SRP68: variants seen among roughly 807,000 people sequenced by gnomAD.
The protein encoded by SRP68 is signal recognition particle 68.
A neutral mutation model predicts 82.2 loss-of-function variants in SRP68; 15 were observed. That is an observed-to-expected ratio of 0.18 (90% CI 0.12 to 0.28). The LOEUF is 0.28. SRP68 is among the 10% of genes least tolerant of loss of function. The pLI, the probability that SRP68 is intolerant of heterozygous loss-of-function variation, is 1.00. For synonymous variants in SRP68, 261 were observed against 292.6 expected, an observed-to-expected ratio of 0.89 and a Z score of 1.10; for missense variants, 595 against 780.5, an observed-to-expected ratio of 0.76 and a Z score of 2.83.
chr17:76,050,547 G>A, intron 8 of SRP68, 21 bp from the exon 9 acceptor site: 1 of 1,591,498 alleles, frequency 6.3e-7, no homozygotes, highest in East Asian at 2.2e-5. Context: ...GCAGATCAAA[G>A]TAAGAGACTT....
At chr17:76,052,032 G>A (rs1417015569) in intron 8 of SRP68, among the ~76,000 whole-genome samples, 2 of 151,994 alleles carry the variant, frequency 1.3e-5, no homozygotes, top group Admixed American at 6.6e-5. Context: ...CTCAGCCTCC[G>A]GAGTAGCTGG....
At chr17:76,042,015 C>A (rs1341504614) in intron 13 of SRP68, among the ~76,000 whole-genome samples, 1 of 152,092 alleles carries the variant, frequency 6.6e-6, no homozygotes. Flanking sequence ...TCCCGAGTAG[C>A]TGGGACCACA....
chr17:76,052,685 TC>T (rs2066682557), intron 8 of SRP68, among the ~76,000 whole-genome samples: 1 of 151,332 alleles, frequency 6.6e-6, no homozygotes, highest in Admixed American at 6.6e-5. Context: ...GCACCTGTAG[TC>T]CCAGCTACTA....
rs1026064604 is a variant in SRP68, at chr17:76,038,943, G to A, written c.*763C>T. The stretch of plus-strand genomic sequence containing the variant: ...GCATCTAAAAATTACACATTGGGAA[G>A]TCCTGAAAAATAGTGCCTCTAACAT... On this transcript the variant is annotated 3_prime_UTR_variant, in exon 16 of 16. Transcript: ENST00000307877. The A allele has an allele frequency of 1.9e-5, 3 of 156,192 alleles. No individual in the cohort carries two copies. The highest frequency in any genetic ancestry group is 7.2e-5 in the African/African-American group (3 of 41,544). 9.7% of individuals were successfully genotyped at this position (156,192 alleles called of 1,614,324 possible).
In SRP68 at chr17:76,072,465, G is replaced by A. The variant is rs781014954; in HGVS notation, c.27C>T (p.Gly9=). Residue 9 remains glycine, a synonymous_variant, in exon 1 of 16, where the codon GGC becomes GGT. Transcript: ENST00000307877. This position sits in a 1 kb window ranked among gnomAD's most constrained non-coding sequence, Gnocchi z 4.5. ...CGCCACTGCCGCCGCCGCCGCCGCC[G>A]CCTGGGACCTGCTTCTCAGCAGCCA... The part of the protein sequence containing the change: MAAEKQVP[G]GGGGGGSGGG... The A allele has an allele frequency of 1.9e-6, 3 of 1,578,730 alleles. No individual in the cohort carries two copies. Among genetic ancestry groups the A allele is most frequent in the South Asian group, 1.1e-5 (1 of 88,832 alleles).
Position 76,072,217 on chromosome 17 carries a change from A to AG in SRP68, c.184+90dup. On this transcript the variant is annotated intron_variant, in intron 1 of 15. Transcript: ENST00000307877. This position sits in a 1 kb window ranked among gnomAD's most constrained non-coding sequence, Gnocchi z 4.5. ...ACTGCAACCCTCGGCCTCTCCTGCCAGGACTTGTCGGGACCCGCCGCCTCT... is the reference window on the plus strand; with the variant it reads ...ACTGCAACCCTCGGCCTCTCCTGCCAGGGACTTGTCGGGACCCGCCGCCTCT... The AG allele has an allele frequency of 2.5e-6, 4 of 1,589,108 alleles. No homozygotes were observed. Among genetic ancestry groups the AG allele is most frequent in the Non-Finnish European group, 3.4e-6 (4 of 1,173,186 alleles).
chr17:76,067,463 C>G, intron 2 of SRP68, 133 bp from the exon 3 acceptor site: 2 of 667,260 alleles, frequency 3.0e-6, no homozygotes, highest in Middle Eastern at 5.1e-4. Flanking sequence ...TATCACATAT[C>G]AGCTTCCAAA....
intron 15 of SRP68, 24 bp downstream of exon 15, chr17:76,040,395 T>C (rs770701984): frequency 1.2e-6 from 2 of 1,609,530 alleles, no homozygotes; most frequent in Admixed American, 1.7e-5. Flanking sequence ...TTCGTATTCC[T>C]CAAAAACCAT....
intron 5 of SRP68, 130 bp from the exon 6 acceptor site, chr17:76,061,349 A>T (rs1301142849): frequency 2.1e-6 from 2 of 959,668 alleles, no homozygotes; most frequent in East Asian, 5.0e-5. Context: ...GCATGTTCTA[A>T]GGTTGAAAGA....
chr17:76,068,029 C>T (rs549016765), intron 2 of SRP68, among the ~76,000 whole-genome samples: 24 of 152,142 alleles, frequency 1.6e-4, no homozygotes, highest in Non-Finnish European at 3.4e-4. Context: ...CAGTGGCTCA[C>T]ACCTGTAATC....
intron 13 of SRP68, among the ~76,000 whole-genome samples, chr17:76,042,015 C>G (rs1341504614): frequency 6.6e-6 from 1 of 152,092 alleles, no homozygotes; most frequent in African/African-American, 2.4e-5. Context: ...TCCCGAGTAG[C>G]TGGGACCACA....
At chr17:76,053,587 G>T (rs948612037) in intron 8 of SRP68, 14 of 985,154 alleles carry the variant, frequency 1.4e-5, no homozygotes, top group Non-Finnish European at 1.7e-5. Context: ...CCTCCCCACT[G>T]CTCCCACAAA....
At chr17:76,054,784 T>C (rs1370163250) in intron 8 of SRP68, among the ~76,000 whole-genome samples, 1 of 151,664 alleles carries the variant, frequency 6.6e-6, no homozygotes, top group African/African-American at 2.4e-5. Context: ...GATCACACCA[T>C]TGCACAACGC....
At chr17:76,053,572 A>G (rs2066691413) in intron 8 of SRP68, 1 of 985,256 alleles carries the variant, frequency 1.0e-6, no homozygotes, top group African/African-American at 1.7e-5. Context: ...GCTGAAACCA[A>G]AAAACCTCCC....
chr17:76,070,016 G>A (rs2066837593), intron 2 of SRP68, among the ~76,000 whole-genome samples: 1 of 151,978 alleles, frequency 6.6e-6, no homozygotes, highest in Non-Finnish European at 1.5e-5. Flanking sequence ...GGCATGGGCT[G>A]CAGTGAGCCA....
chr17:76,046,012 T>C lies in SRP68; in HGVS notation c.1299+26A>G, dbSNP rs368978261. ...ACAGGCAAAGGAAAACCACAGGCCCTTGCCTTCCCGGTCCTCAAGGGTCAC... is the reference window on the plus strand; with the variant it reads ...ACAGGCAAAGGAAAACCACAGGCCCCTGCCTTCCCGGTCCTCAAGGGTCAC... On this transcript the variant is annotated intron_variant, in intron 11 of 15. Coordinates refer to ENST00000307877, the MANE Select transcript of SRP68 (RefSeq NM_014230.4). 12 of 1,612,966 alleles carry C rather than the reference T, an allele frequency of 7.4e-6. No individual in the cohort carries two copies. The African/African-American group carries it at 1.6e-4, about 22-fold the overall frequency.
rs1165811626 is a variant in SRP68 at position 76,070,363 on chromosome 17, G to C, written c.251+15C>G. The C allele has an allele frequency of 2.5e-6, 4 of 1,607,966 alleles. No individual in the cohort carries two copies. The African/African-American group carries it at 5.4e-5, about 22-fold the overall frequency. The stretch of plus-strand genomic sequence containing the variant: ...TCCCACAATGATTTCCAAACATCTT[G>C]TATGTGATACTAACCTGTACCTCTG... On this transcript the variant is annotated intron_variant, in intron 2 of 15. Transcript: ENST00000307877.
At chr17:76,051,880 C>T (rs12949519) in intron 8 of SRP68, among the ~76,000 whole-genome samples, 3,348 of 152,250 alleles carry the variant, frequency 0.022, 61 homozygotes, top group Middle Eastern at 0.078. Flanking sequence ...CCTGAGCACT[C>T]GGAAGTTTTA....
At chr17:76,054,309 C>T (rs1177516791) in intron 8 of SRP68, among the ~76,000 whole-genome samples, 1 of 152,110 alleles carries the variant, frequency 6.6e-6, no homozygotes, top group African/African-American at 2.4e-5. Context: ...GGTAGTATGA[C>T]TAAGAGACAC....
Sources: gnomAD v4.1 joint callset for allele counts (sites outside exome capture counted in the v4.1 genomes callset) on GRCh38, gnomAD v4.1.1 for gene constraint, Gnocchi (gnomAD v3.1) non-coding constraint, MANE v1.5 for transcripts, NCBI Gene and HGNC (gene_info 2026-07-23, HGNC 2026-07-21) for gene names.